Variants in ATRNL1 observed in about 807,000 individuals in gnomAD.
The protein encoded by ATRNL1 is attractin like 1, also known as attractin-like protein 1.
In ATRNL1, 95 loss-of-function variants were observed where a neutral mutation model predicts 182.7. That is an observed-to-expected ratio of 0.52 (90% CI 0.44 to 0.62). The LOEUF is 0.62. Ranked by LOEUF, ATRNL1 falls within the 20% of genes least tolerant of loss-of-function variation. ATRNL1 has a pLI of 0.00. For synonymous variants in ATRNL1, 576 were observed against 568.3 expected, an observed-to-expected ratio of 1.01 and a Z score of -0.19; for missense variants, 1,471 against 1,679.5, an observed-to-expected ratio of 0.88 and a Z score of 2.17.
At chr10:115,476,687 C>G (rs1434942787) in intron 24 of ATRNL1, among the ~76,000 whole-genome samples, 7 of 151,214 alleles carry the variant, frequency 4.6e-5, no homozygotes, top group Non-Finnish European at 7.4e-5. Context: ...AATATCTATC[C>G]TCTGTCATTT....
chr10:115,226,394 A>G (rs1849696731), intron 9 of ATRNL1, among the ~76,000 whole-genome samples: 1 of 152,034 alleles, frequency 6.6e-6, no homozygotes, highest in Non-Finnish European at 1.5e-5. Context: ...TAAAAGAAAA[A>G]TGATAGACTG....
At position 115,093,921 on chromosome 10, in the gene ATRNL1, G is replaced by T. The variant is rs782177192; in HGVS notation, c.171G>T (p.Val57=). The T allele has an allele frequency of 6.3e-7, 1 of 1,596,722 alleles. No homozygotes were observed. Among genetic ancestry groups the T allele is most frequent in the East Asian group, 2.3e-5 (1 of 43,166 alleles). The change falls in exon 1 of 29, where the codon GTG becomes GTT. Residue 57 remains valine (V), a synonymous_variant. Coordinates refer to ENST00000355044, the MANE Select transcript of ATRNL1 (RefSeq NM_207303.4). The surrounding 1 kb of genome is among the most constrained non-coding windows in gnomAD (Gnocchi z 6.1). ...TCTACCTGGCGCTCTACGCGCAGGT[G>T]TCCCAGTCCAAGCCGTGCGAGAGGA... ...GFLYLALYAQ[V]SQSKPCERTG...
chr10:115,904,007 GAGTA>G (rs1658275862), intron 28 of ATRNL1, among the ~76,000 whole-genome samples: 1 of 152,160 alleles, frequency 6.6e-6, no homozygotes, highest in Non-Finnish European at 1.5e-5. Flanking sequence ...GAGGAAGCAT[GAGTA>G]AGTAAGGACG....
intron 20 of ATRNL1, among the ~76,000 whole-genome samples, chr10:115,424,851 A>G (rs1845813262): frequency 6.6e-6 from 1 of 152,040 alleles, no homozygotes; most frequent in South Asian, 2.1e-4. Flanking sequence ...AATTTATACA[A>G]AGTTACAGTT....
intron 24 of ATRNL1, among the ~76,000 whole-genome samples, chr10:115,479,860 CT>C (rs1276946863): frequency 6.6e-6 from 1 of 151,200 alleles, no homozygotes; most frequent in Non-Finnish European, 1.5e-5. Flanking sequence ...AACTTAAGTA[CT>C]TTGTATTCTA....
At chr10:115,302,083 C>A (rs782559378) in intron 17 of ATRNL1, 40 bp downstream of exon 17, 5 of 1,459,820 alleles carry the variant, frequency 3.4e-6, no homozygotes, top group Non-Finnish European at 4.6e-6. Context: ...TTGACAGCAA[C>A]GTAAATTTAC....
At chr10:115,270,664 C>A (rs994394231) in intron 13 of ATRNL1, among the ~76,000 whole-genome samples, 4 of 151,862 alleles carry the variant, frequency 2.6e-5, no homozygotes, top group Admixed American at 2.0e-4. Context: ...GAAATTCTTT[C>A]TTCCTCTACT....
At chr10:115,631,563 A>G (rs1054672144) in intron 26 of ATRNL1, among the ~76,000 whole-genome samples, 1 of 152,106 alleles carries the variant, frequency 6.6e-6, no homozygotes, top group African/African-American at 2.4e-5. Flanking sequence ...TAGATGGGAG[A>G]GACACTTTGA....
intron 26 of ATRNL1, among the ~76,000 whole-genome samples, chr10:115,607,300 T>C (rs1555017859): frequency 2.0e-5 from 3 of 151,864 alleles, no homozygotes; most frequent in Non-Finnish European, 4.4e-5. Context: ...TTTTTGTTGC[T>C]ACCTATGAAA....
chr10:115,595,314 A>G (rs1380489001), intron 26 of ATRNL1, among the ~76,000 whole-genome samples: 2 of 152,084 alleles, frequency 1.3e-5, no homozygotes, highest in South Asian at 2.1e-4. Context: ...GATATAATCT[A>G]TATAAAATTA....
intron 27 of ATRNL1, among the ~76,000 whole-genome samples, chr10:115,750,387 G>A (rs1948414571): frequency 6.6e-6 from 1 of 151,844 alleles, no homozygotes; most frequent in Non-Finnish European, 1.5e-5. Flanking sequence ...GGGCTTCTCA[G>A]CAAGTGGTAT....
At chr10:115,941,447 C>G (rs1555124250) in intron 28 of ATRNL1, among the ~76,000 whole-genome samples, 1 of 152,198 alleles carries the variant, frequency 6.6e-6, no homozygotes, top group East Asian at 1.9e-4. Flanking sequence ...ACTCAAGCTG[C>G]TTACTCCTCT....
chr10:115,881,830 T>G (rs1306874073), intron 28 of ATRNL1, among the ~76,000 whole-genome samples: 1 of 152,156 alleles, frequency 6.6e-6, no homozygotes. Flanking sequence ...TGCCCTGCAT[T>G]ACACTGTGCT....
intron 26 of ATRNL1, among the ~76,000 whole-genome samples, chr10:115,595,099 G>T (rs1374756291): frequency 6.6e-6 from 1 of 152,160 alleles, no homozygotes; most frequent in Non-Finnish European, 1.5e-5. Context: ...TGGCACCACA[G>T]AAGATCCACT....
At chr10:115,211,702 G>A (rs957693094) in intron 8 of ATRNL1, among the ~76,000 whole-genome samples, 26 of 151,380 alleles carry the variant, frequency 1.7e-4, no homozygotes, top group African/African-American at 5.8e-4. Flanking sequence ...ATGTTGGTGT[G>A]CTGTACCCAT....
intron 24 of ATRNL1, among the ~76,000 whole-genome samples, chr10:115,495,765 G>A (rs1300507171): frequency 1.3e-5 from 2 of 151,770 alleles, no homozygotes; most frequent in South Asian, 2.1e-4. Context: ...ATCAGAGTAT[G>A]TGCTATTTGC....
intron 1 of ATRNL1, among the ~76,000 whole-genome samples, chr10:115,106,604 G>A (rs1476593301): frequency 1.3e-5 from 2 of 152,150 alleles, no homozygotes; most frequent in African/African-American, 2.4e-5. Flanking sequence ...TGAATCATGG[G>A]GGCCAGTCTT....
chr10:115,439,374 G>T (rs782193754), intron 21 of ATRNL1, among the ~76,000 whole-genome samples: 4 of 151,676 alleles, frequency 2.6e-5, no homozygotes, highest in Non-Finnish European at 4.4e-5. Flanking sequence ...GAAGATCAAG[G>T]ATTAAAACAA....
intron 15 of ATRNL1, among the ~76,000 whole-genome samples, chr10:115,295,350 G>A (rs1184087456): frequency 6.6e-6 from 1 of 152,120 alleles, no homozygotes; most frequent in Non-Finnish European, 1.5e-5. Flanking sequence ...TCAGGCCCAG[G>A]ATATGCTTAT....
Sources: gnomAD v4.1 joint callset for allele counts (sites outside exome capture counted in the v4.1 genomes callset) on GRCh38, gnomAD v4.1.1 for gene constraint, Gnocchi (gnomAD v3.1) non-coding constraint, MANE v1.5 for transcripts, NCBI Gene and HGNC (gene_info 2026-07-23, HGNC 2026-07-21) for gene names.